The following USP34 variants were observed in gnomAD, a reference collection of about 807,000 sequenced individuals.
The protein encoded by USP34 is ubiquitin carboxyl-terminal hydrolase 34.
USP34 carries 70 observed loss-of-function variants against 460.3 expected under a neutral mutation model. That is an observed-to-expected ratio of 0.15 (90% CI 0.13 to 0.19). The LOEUF is 0.19. USP34 is among the 10% of genes least tolerant of loss of function. The probability of loss-of-function intolerance (pLI) is 1.00; values close to 1 mark genes in which losing one functional copy is unlikely to be tolerated. For missense variants in USP34, 3,985 were observed against 4,236.2 expected, an observed-to-expected ratio of 0.94 and a Z score of 1.65; for synonymous variants, 1,647 against 1,405.3, an observed-to-expected ratio of 1.17 and a Z score of -3.85.
intron 15 of USP34, among the ~76,000 whole-genome samples, chr2:61,345,142 T>C (rs1202477378): frequency 1.3e-5 from 2 of 151,814 alleles, no homozygotes; most frequent in Non-Finnish European, 2.9e-5. Flanking sequence ...GGCATGGTGG[T>C]GCATACCCAT....
At chr2:61,394,619 A>G (rs866086830) in intron 5 of USP34, among the ~76,000 whole-genome samples, 19 of 152,136 alleles carry the variant, frequency 1.2e-4, no homozygotes, top group African/African-American at 2.4e-4. Context: ...GATAAAATAG[A>G]TAATTATAGA....
At chr2:61,420,912 A>G in intron 1 of USP34, 79 bp from the exon 2 acceptor site, 1 of 973,090 alleles carries the variant, frequency 1.0e-6, no homozygotes, top group Non-Finnish European at 1.5e-6. Flanking sequence ...TAAAGCCAAG[A>G]GCTACAAATG....
chr2:61,239,524 C>G (rs1688184264), intron 53 of USP34, among the ~76,000 whole-genome samples: 1 of 151,968 alleles, frequency 6.6e-6, no homozygotes, highest in African/African-American at 2.4e-5. Context: ...AGGCTGTGCA[C>G]AAAAATGATT....
chr2:61,305,082 T>G (rs1690360151), intron 27 of USP34, among the ~76,000 whole-genome samples: 1 of 152,080 alleles, frequency 6.6e-6, no homozygotes, highest in African/African-American at 2.4e-5. Flanking sequence ...TCCCAGCACT[T>G]TGGGAGGCCG....
intron 22 of USP34, 84 bp from the exon 23 acceptor site, chr2:61,317,851 A>G: frequency 1.1e-6 from 1 of 937,428 alleles, no homozygotes. Context: ...CTTTACTGAA[A>G]ACACTGTAGA....
intron 62 of USP34, 132 bp from the exon 63 acceptor site, chr2:61,223,428 T>A: frequency 1.1e-6 from 1 of 912,806 alleles, no homozygotes; most frequent in African/African-American, 1.7e-5. Flanking sequence ...GATTTTTTGC[T>A]AGCTACATTT....
At chr2:61,349,204 TA>T in intron 13 of USP34, 45 bp downstream of exon 13, 1 of 1,589,502 alleles carries the variant, frequency 6.3e-7, no homozygotes. Context: ...AAAACCACTA[TA>T]AAAAACTAAG....
chr2:61,287,530 G>A (rs1328751233), intron 34 of USP34, among the ~76,000 whole-genome samples: 1 of 152,088 alleles, frequency 6.6e-6, no homozygotes, highest in African/African-American at 2.4e-5. Flanking sequence ...CACTCCTAAG[G>A]CAGCAAGGCC....
At position 61,380,240 on chromosome 2, in the gene USP34, G is replaced by A; in HGVS notation, c.943C>T (p.Leu315=). The change falls in exon 7 of 80, where the codon CTA becomes TTA. Residue 315 remains leucine (L), a synonymous_variant. Transcript: ENST00000398571. ...ATAAAGTACTTAAATGCAAGATCTA[G>A]GCTTTCTTTATCAAAGCATAATGTT... ...DTTLCFDKES[L]DLAFKYFMSP... 6.2e-7 allele frequency: 1 copy of A among 1,614,112 alleles called. No individual in the cohort carries two copies. Among genetic ancestry groups the A allele is most frequent in the South Asian group, 1.1e-5 (1 of 91,074 alleles).
chr2:61,370,490 C>A lies in USP34; in HGVS notation c.1158+8G>T. 6.2e-7 allele frequency: 1 copy of A among 1,613,686 alleles called. No homozygotes were observed. Among genetic ancestry groups the A allele is most frequent in the Non-Finnish European group, 8.5e-7 (1 of 1,179,832 alleles). On this transcript the variant is annotated splice_region_variant and intron_variant, in intron 9 of 79. Coordinates refer to ENST00000398571, the MANE Select transcript of USP34 (RefSeq NM_014709.4). ...TAGAACAGAGAAGTTATGTAATCAT[C>A]CACAAACCTCAATATGTAAATTTGG...
At chr2:61,278,498 A>T (rs1689439733) in intron 39 of USP34, 55 bp from the exon 40 acceptor site, 2 of 1,305,724 alleles carry the variant, frequency 1.5e-6, no homozygotes, top group South Asian at 1.5e-5. Context: ...GTTTTACCAA[A>T]CATAAAATTA....
chr2:61,451,124 G>T (rs529678893), intron 1 of USP34, among the ~76,000 whole-genome samples: 1 of 143,048 alleles, frequency 7.0e-6, no homozygotes, highest in Non-Finnish European at 1.5e-5. Context: ...GGGACGCTGA[G>T]ACAGGAGAAT....
rs371936848 is a variant in USP34 at position 61,203,179 on chromosome 2, T to C, written c.9469A>G (p.Ile3157Val). 1.2e-5 allele frequency: 19 copies of C among 1,600,210 alleles called. No individual in the cohort carries two copies. The highest frequency in any genetic ancestry group is 1.4e-5 in the Non-Finnish European group (16 of 1,173,238). ...QFIHLLCRVA[I>V]NCEKFTETLV... Reference sequence around the variant, plus strand: ...GTTTCAGTAAATTTTTCACAGTTGATTGCAACTCGGCATAATAGATGGATG... The same window carrying C: ...GTTTCAGTAAATTTTTCACAGTTGACTGCAACTCGGCATAATAGATGGATG... The change falls in exon 75 of 80, where the codon ATC becomes GTC. Residue 3157 changes from isoleucine (I) to valine (V), a missense_variant. This residue lies in a region of USP34 where 28 missense variants were observed against 36.8 expected (regional missense o/e 0.76). Transcript: ENST00000398571.
intron 34 of USP34, 75 bp from the exon 35 acceptor site, chr2:61,285,032 G>A: frequency 8.3e-7 from 1 of 1,204,872 alleles, no homozygotes; most frequent in Non-Finnish European, 1.2e-6. Flanking sequence ...TCAAGATTTA[G>A]TTACTAAAGA....
At chr2:61,299,791 T>G (rs561977173) in intron 29 of USP34, among the ~76,000 whole-genome samples, 192 of 152,300 alleles carry the variant, frequency 1.3e-3, no homozygotes, top group Non-Finnish European at 1.8e-3. Context: ...GGCATCTTTA[T>G]AGTGATAACC....
At chr2:61,275,870 T>C (rs1343480196) in intron 41 of USP34, among the ~76,000 whole-genome samples, 1 of 152,084 alleles carries the variant, frequency 6.6e-6, no homozygotes, top group Non-Finnish European at 1.5e-5. Flanking sequence ...CCTCAAAAAT[T>C]TGTCCTAGGA....
chr2:61,469,829 A>G (rs1489903002), intron 1 of USP34, among the ~76,000 whole-genome samples: 1 of 152,226 alleles, frequency 6.6e-6, no homozygotes, highest in Non-Finnish European at 1.5e-5. Flanking sequence ...TATATCTTCT[A>G]TAAGCTGAAA....
At position 61,240,698 on chromosome 2, in the gene USP34, T is replaced by C. The variant is rs186009559; in HGVS notation, c.6777+862A>G. On this transcript the variant is annotated intron_variant, in intron 53 of 79. Coordinates refer to ENST00000398571, the MANE Select transcript of USP34 (RefSeq NM_014709.4). Reference sequence around the variant, plus strand: ...AAGGGCTTCTCTCGCCTAGGCCTCCTGAGTAGCTGGGATTACAGGTGCCCA... The same window carrying C: ...AAGGGCTTCTCTCGCCTAGGCCTCCCGAGTAGCTGGGATTACAGGTGCCCA... Among the ~76,000 whole-genome samples, 186 of 151,910 alleles carry C rather than the reference T, an allele frequency of 1.2e-3. 3 individuals carry two copies. The highest frequency in any genetic ancestry group is 0.012 in the Admixed American group (184 of 15,270).
intron 1 of USP34, among the ~76,000 whole-genome samples, chr2:61,456,321 A>C (rs927436494): frequency 2.0e-5 from 3 of 152,208 alleles, no homozygotes. Context: ...TGATTAGTTT[A>C]AACCAATCAA....
Sources: allele counts gnomAD v4.1 joint callset (sites outside exome capture counted in the v4.1 genomes callset), GRCh38; gene constraint gnomAD v4.1.1; regional missense constraint gnomAD v4.1.1; transcripts MANE v1.5; gene names NCBI Gene and HGNC (gene_info 2026-07-23, HGNC 2026-07-21).